Variants in APOL3 observed in about 807,000 individuals in gnomAD.
APOL3 encodes the protein apolipoprotein L3.
In APOL3, 14 loss-of-function variants were observed where a neutral mutation model predicts 11.6. The observed-to-expected ratio is 1.21, with a 90% CI of 0.80 to 1.89. The LOEUF is 1.89. APOL3 is among the 40% of genes most tolerant of loss of function. APOL3 has a pLI of 0.00. For synonymous variants in APOL3, 192 were observed against 190.6 expected (o/e 1.01, Z -0.06); for missense variants, 483 against 492.1 (o/e 0.98, Z 0.17).
At chr22:36,143,253 A>G (rs1445200258) in intron 2 of APOL3, among the ~76,000 whole-genome samples, 2 of 152,220 alleles carry the variant, frequency 1.3e-5, no homozygotes, top group Non-Finnish European at 2.9e-5. Flanking sequence ...CACACAGGAG[A>G]ACACAGCGTC....
chr22:36,142,336 C>T (rs2060028652), intron 2 of APOL3, among the ~76,000 whole-genome samples: 1 of 152,108 alleles, frequency 6.6e-6, no homozygotes, highest in African/African-American at 2.4e-5. Context: ...AAGATGGCTC[C>T]TCAAGCAAGA....
chr22:36,153,384 T>A, intron 1 of APOL3: 1 of 456,086 alleles, frequency 2.2e-6, no homozygotes, highest in South Asian at 1.5e-5. Flanking sequence ...ATGGGAGAAA[T>A]GTCAGCTTCA....
chr22:36,163,640 C>A (rs2013787757), upstream of APOL3, among the ~76,000 whole-genome samples: 1 of 152,258 alleles, frequency 6.6e-6, no homozygotes, highest in South Asian at 2.1e-4. Flanking sequence ...CACATAGGTA[C>A]AACTTGAGAG....
chr22:36,161,077 C>A, upstream of APOL3: 1 of 613,928 alleles, frequency 1.6e-6, no homozygotes, highest in Admixed American at 2.8e-5. Context: ...CCAATAACAC[C>A]ACACTCCCCA....
intron 2 of APOL3, among the ~76,000 whole-genome samples, chr22:36,143,431 T>C (rs531210617): frequency 6.6e-5 from 10 of 152,152 alleles, no homozygotes; most frequent in African/African-American, 2.4e-4. Flanking sequence ...CAAACCTGAG[T>C]GGGGGCTTAA....
chr22:36,159,936 G>A (rs2013516535), intron 1 of APOL3, among the ~76,000 whole-genome samples: 1 of 151,818 alleles, frequency 6.6e-6, no homozygotes, highest in South Asian at 2.1e-4. Context: ...AGGCTGGAGT[G>A]ACTGGTGCGA....
At chr22:36,141,661 C>T in exon 3 of APOL3, 1 of 1,614,148 alleles carries the variant, frequency 6.2e-7, no homozygotes, top group Non-Finnish European at 8.5e-7. Context: ...CTGGCTTCAG[C>T]TTCTGCTGAT....
chr22:36,158,747 G>A (rs1401104946), intron 1 of APOL3, among the ~76,000 whole-genome samples: 1 of 152,164 alleles, frequency 6.6e-6, no homozygotes, highest in Non-Finnish European at 1.5e-5. Flanking sequence ...GAACCCAGGA[G>A]GCGGAGGGTG....
chr22:36,163,240 CA>C (rs915289361), upstream of APOL3, among the ~76,000 whole-genome samples: 1 of 152,132 alleles, frequency 6.6e-6, no homozygotes, highest in Non-Finnish European at 1.5e-5. Context: ...TGGCTGGATG[CA>C]ATTTTTAAAA....
intron 1 of APOL3, among the ~76,000 whole-genome samples, chr22:36,147,698 T>C (rs2060271360): frequency 6.6e-6 from 1 of 152,176 alleles, no homozygotes; most frequent in African/African-American, 2.4e-5. Context: ...TATTTTTTCC[T>C]CCTTCACTGA....
At chr22:36,142,681 A>T (rs185174641) in intron 2 of APOL3, among the ~76,000 whole-genome samples, 211 of 152,204 alleles carry the variant, frequency 1.4e-3, no homozygotes, top group Non-Finnish European at 2.3e-3. Context: ...GACCTCAGGG[A>T]GGGGCTGGGG....
chr22:36,154,286 C>T (rs532147572), intron 1 of APOL3, among the ~76,000 whole-genome samples: 10 of 152,174 alleles, frequency 6.6e-5, no homozygotes, highest in East Asian at 3.9e-4. Context: ...TGGTTTATAC[C>T]GCTTATATTC....
chr22:36,164,766 T>C (rs1278626142), upstream of APOL3: 1 of 152,176 alleles, frequency 6.6e-6, no homozygotes, highest in Non-Finnish European at 1.5e-5. Context: ...GCAAAATCAT[T>C]GCAAAAAACT....
chr22:36,161,402 T>A (rs2013687182), upstream of APOL3: 1 of 177,914 alleles, frequency 5.6e-6, no homozygotes, highest in Non-Finnish European at 1.2e-5. Context: ...TTTACCAGGT[T>A]GGTTTCAAAC....
chr22:36,145,565 G>T lies in APOL3; in HGVS notation c.258C>A (p.Tyr86Ter). ...GCACTGGGCTGACTCTCTCCCGGAA[G>T]TATTTGGTGGCCTCTTCAGTAAAGC... The change falls in exon 2 of 3, where the codon TAC becomes TAA. Residue 86 changes from tyrosine to a stop codon, truncating the protein, a stop_gained. Coordinates refer to ENST00000349314, the Ensembl canonical transcript of APOL3. LOFTEE classifies it high-confidence loss of function. 1 of 1,614,058 alleles carries T rather than the reference G, an allele frequency of 6.2e-7. No homozygotes were observed. Among genetic ancestry groups the T allele is most frequent in the Admixed American group, 1.7e-5 (1 of 60,000 alleles).
chr22:36,149,906 A>G (rs529784814), intron 1 of APOL3: 290 of 456,218 alleles, frequency 6.4e-4, no homozygotes, highest in Non-Finnish European at 1.2e-3. Flanking sequence ...TCCTGGCTGC[A>G]AGTGATGCTT....
At chr22:36,147,367 G>A (rs1018155295) in intron 1 of APOL3, among the ~76,000 whole-genome samples, 2 of 152,110 alleles carry the variant, frequency 1.3e-5, no homozygotes, top group Non-Finnish European at 2.9e-5. Context: ...GGTCTCAGGG[G>A]ACATGGCTCC....
exon 3 of APOL3, chr22:36,141,917 C>G: frequency 6.2e-7 from 1 of 1,614,230 alleles, no homozygotes; most frequent in Non-Finnish European, 8.5e-7. Context: ...CTATGGACTC[C>G]TGGATCTTCC....
intron 1 of APOL3, among the ~76,000 whole-genome samples, chr22:36,146,666 A>G (rs1422475916): frequency 1.3e-5 from 2 of 152,088 alleles, no homozygotes; most frequent in African/African-American, 2.4e-5. Context: ...CACAGGGTGC[A>G]TATGCTGTAT....
Sources: gnomAD v4.1 joint callset for allele counts (sites outside exome capture counted in the v4.1 genomes callset) on GRCh38, gnomAD v4.1.1 for gene constraint, MANE v1.5 for transcripts, NCBI Gene and HGNC (gene_info 2026-07-23, HGNC 2026-07-21) for gene names.